The following DOCK3 variants were observed in gnomAD, a reference collection of about 807,000 sequenced individuals.
The protein encoded by DOCK3 is dedicator of cytokinesis 3.
DOCK3 carries 60 observed loss-of-function variants against 265.6 expected under a neutral mutation model. The ratio of observed to expected loss-of-function variants is 0.23; its 90% confidence interval spans 0.18 to 0.28. DOCK3 has a LOEUF of 0.28. Among genes scored for constraint, DOCK3 ranks in the 10% least tolerant of loss-of-function variants. The pLI is 1.00. For missense variants in DOCK3, 1,981 were observed against 2,594.3 expected (o/e 0.76, Z 5.14); for synonymous variants, 881 against 938.0 (o/e 0.94, Z 1.11).
intron 2 of DOCK3, among the ~76,000 whole-genome samples, chr3:50,779,829 G>A (rs1391859967): frequency 6.6e-6 from 1 of 152,174 alleles, no homozygotes; most frequent in Non-Finnish European, 1.5e-5. Context: ...AAAATAGGGA[G>A]AAATTACACA....
chr3:51,160,360 G>A (rs1416327381), intron 11 of DOCK3, among the ~76,000 whole-genome samples, 195 bp from the exon 12 acceptor site: 1 of 152,240 alleles, frequency 6.6e-6, no homozygotes, highest in Non-Finnish European at 1.5e-5. Context: ...GTAGTACAGG[G>A]AAGAGCTTTG....
At chr3:51,066,496 A>G (rs888249868) in intron 6 of DOCK3, among the ~76,000 whole-genome samples, 3 of 152,176 alleles carry the variant, frequency 2.0e-5, no homozygotes, top group African/African-American at 7.2e-5. Flanking sequence ...TAATGAAATA[A>G]TATGTTCAGA....
At chr3:51,179,448 G>T (rs1218702315) in intron 12 of DOCK3, among the ~76,000 whole-genome samples, 6 of 151,996 alleles carry the variant, frequency 3.9e-5, no homozygotes. Context: ...TAACAATTTC[G>T]AGTAAACTAA....
At chr3:51,271,297 G>A (rs1193734732) in intron 24 of DOCK3, among the ~76,000 whole-genome samples, 1 of 152,160 alleles carries the variant, frequency 6.6e-6, no homozygotes, top group East Asian at 1.9e-4. Context: ...TAGACTGGGT[G>A]GCATGTAAAC....
At chr3:51,091,436 C>T (rs966726430) in intron 9 of DOCK3, among the ~76,000 whole-genome samples, 4 of 152,110 alleles carry the variant, frequency 2.6e-5, no homozygotes, top group East Asian at 3.8e-4. Context: ...GTAATGCCAC[C>T]ACTTTGGGAG....
At chr3:50,878,369 C>A (rs948662075) in intron 3 of DOCK3, among the ~76,000 whole-genome samples, 24 of 151,818 alleles carry the variant, frequency 1.6e-4, no homozygotes, top group African/African-American at 5.3e-4. Flanking sequence ...TGCAAAGAAG[C>A]TAAAAACCTT....
chr3:50,841,197 TAAATC>T (rs1318494304), intron 2 of DOCK3, among the ~76,000 whole-genome samples: 2 of 152,176 alleles, frequency 1.3e-5, no homozygotes, highest in South Asian at 2.1e-4. Flanking sequence ...TGAAAGGAAA[TAAATC>T]AAGAAGGTGA....
At chr3:50,843,832 CAG>C (rs2045956233) in intron 3 of DOCK3, among the ~76,000 whole-genome samples, 1 of 152,084 alleles carries the variant, frequency 6.6e-6, no homozygotes, top group African/African-American at 2.4e-5. Flanking sequence ...TATGGAAAGA[CAG>C]TATTACTAAC....
chr3:51,310,151 C>G (rs893024885), intron 27 of DOCK3, 81 bp from the exon 28 acceptor site: 3 of 1,060,552 alleles, frequency 2.8e-6, no homozygotes, highest in Non-Finnish European at 4.3e-6. Context: ...TTGTCATGAT[C>G]TAGTGGCGGC....
chr3:50,936,317 G>A (rs1264602098), intron 5 of DOCK3, among the ~76,000 whole-genome samples: 1 of 151,378 alleles, frequency 6.6e-6, no homozygotes, highest in Non-Finnish European at 1.5e-5. Flanking sequence ...GAACAATAAC[G>A]TAAGATGTAA....
intron 1 of DOCK3, among the ~76,000 whole-genome samples, chr3:50,677,343 A>C (rs770907184): frequency 7.9e-5 from 12 of 152,126 alleles, no homozygotes; most frequent in Admixed American, 2.6e-4. Flanking sequence ...TTTCATAAGG[A>C]TGTTAGGGCT....
chr3:50,740,056 C>A (rs2038915279), intron 1 of DOCK3, among the ~76,000 whole-genome samples: 1 of 152,090 alleles, frequency 6.6e-6, no homozygotes, highest in Non-Finnish European at 1.5e-5. Flanking sequence ...TACTTACCTG[C>A]TCTCTGTCAC....
intron 12 of DOCK3, among the ~76,000 whole-genome samples, chr3:51,208,024 C>T (rs1187742849): frequency 1.3e-5 from 2 of 152,156 alleles, no homozygotes; most frequent in Non-Finnish European, 2.9e-5. Flanking sequence ...GGTTGCAGTT[C>T]TCCGGGAATT....
intron 5 of DOCK3, among the ~76,000 whole-genome samples, chr3:51,048,185 T>A (rs2080848262): frequency 6.7e-6 from 1 of 149,392 alleles, no homozygotes; most frequent in Non-Finnish European, 1.5e-5. Context: ...CCTTTCATGA[T>A]AAAAAAAAAA....
intron 22 of DOCK3, among the ~76,000 whole-genome samples, chr3:51,248,954 C>T (rs551435900): frequency 1.7e-4 from 25 of 148,056 alleles, no homozygotes; most frequent in East Asian, 1.0e-3. Flanking sequence ...ACCCTCCGCC[C>T]GGCAGCCGCC....
At chr3:51,161,638 T>A (rs1179557373) in intron 12 of DOCK3, among the ~76,000 whole-genome samples, 1 of 152,110 alleles carries the variant, frequency 6.6e-6, no homozygotes, top group South Asian at 2.1e-4. Context: ...AATTAACCAA[T>A]CTTATATATT....
At chr3:51,093,322 G>A (rs941950997) in intron 9 of DOCK3, among the ~76,000 whole-genome samples, 9 of 152,148 alleles carry the variant, frequency 5.9e-5, no homozygotes, top group African/African-American at 1.9e-4. Context: ...CAAATGGAAT[G>A]TTTTTCCATT....
intron 5 of DOCK3, among the ~76,000 whole-genome samples, chr3:50,947,955 A>G (rs1357653315): frequency 6.8e-6 from 1 of 147,802 alleles, no homozygotes; most frequent in East Asian, 2.0e-4. Context: ...TCCCAGGTTC[A>G]TGCCATTCTC....
intron 5 of DOCK3, among the ~76,000 whole-genome samples, chr3:51,037,212 C>T (rs1397661652): frequency 1.3e-5 from 2 of 151,950 alleles, no homozygotes; most frequent in Non-Finnish European, 2.9e-5. Flanking sequence ...GTGTAACAAC[C>T]ACCTATATTA....
Sources: gnomAD v4.1 joint callset for allele counts (sites outside exome capture counted in the v4.1 genomes callset) on GRCh38, gnomAD v4.1.1 for gene constraint, MANE v1.5 for transcripts, NCBI Gene and HGNC (gene_info 2026-07-23, HGNC 2026-07-21) for gene names.